Variants in EPB41L4B observed in about 807,000 individuals in gnomAD.
EPB41L4B encodes erythrocyte membrane protein band 4.1 like 4B.
A neutral mutation model predicts 112.5 loss-of-function variants in EPB41L4B; 30 were observed. The ratio of observed to expected loss-of-function variants is 0.27; its 90% CI spans 0.20 to 0.36. The LOEUF (loss-of-function observed/expected upper bound fraction) is 0.36. Ranked by LOEUF, EPB41L4B falls within the 10% of genes least tolerant of loss-of-function variation. The pLI is 1.00. For missense variants in EPB41L4B, 1,024 were observed against 1,133.3 expected, an observed-to-expected ratio of 0.90 and a Z score of 1.38; for synonymous variants, 408 against 439.7, an observed-to-expected ratio of 0.93 and a Z score of 0.90.
At chr9:109,199,069 G>A (rs1220976024) in intron 20 of EPB41L4B, among the ~76,000 whole-genome samples, 1 of 151,966 alleles carries the variant, frequency 6.6e-6, no homozygotes, top group Non-Finnish European at 1.5e-5. Flanking sequence ...TAAAGTGTGA[G>A]TCTTTGGATG....
chr9:109,310,186 C>G (rs551883536), intron 1 of EPB41L4B, among the ~76,000 whole-genome samples: 1 of 152,288 alleles, frequency 6.6e-6, no homozygotes, highest in East Asian at 1.9e-4. Flanking sequence ...GAACTCCAGT[C>G]ATCTCACTGA....
Position 109,194,214 on chromosome 9 carries a change from C to T in EPB41L4B, c.2223+6G>A, listed in dbSNP as rs10979741. The T allele has an allele frequency of 0.061, 98,495 of 1,613,348 alleles. 4,723 individuals are homozygous for T. Among genetic ancestry groups the T allele is most frequent in the African/African-American group, 0.24 (18,333 of 74,956 alleles). On this transcript the variant is annotated splice_donor_region_variant and intron_variant, in intron 21 of 25. Transcript: ENST00000374566. ...CTGCTCGCCAGGGCTTTCCACCCCC[C>T]AATACCTTGGCCCCAGGGGACAGCA... is the stretch of plus-strand genomic sequence containing the variant.
chr9:109,317,415 A>C (rs998282678), intron 1 of EPB41L4B, among the ~76,000 whole-genome samples: 1 of 152,178 alleles, frequency 6.6e-6, no homozygotes, highest in Non-Finnish European at 1.5e-5. Flanking sequence ...GCGTTTCCCA[A>C]GAGCCTCCAG....
At position 109,219,106 on chromosome 9, in the gene EPB41L4B, G is replaced by A. The variant is rs532781925; in HGVS notation, c.1410-1961C>T. 2.2e-4 allele frequency among the ~76,000 whole-genome samples: 34 copies of A among 152,292 alleles called. No homozygotes were observed. The South Asian group carries it at 7.1e-3, about 32-fold the overall frequency. On this transcript the variant is annotated intron_variant, in intron 15 of 25. Coordinates refer to ENST00000374566, the MANE Select transcript of EPB41L4B (RefSeq NM_019114.5). ...TTGAAACAGAATCTTCTTTCTTATA[G>A]GAAACCCCATTCCTTGTGTTTGTAT...
intron 1 of EPB41L4B, among the ~76,000 whole-genome samples, chr9:109,296,153 A>G (rs929170546): frequency 6.6e-6 from 1 of 152,242 alleles, no homozygotes; most frequent in Non-Finnish European, 1.5e-5. Flanking sequence ...ACGTGAACAG[A>G]AAGGACTAAC....
intron 1 of EPB41L4B, among the ~76,000 whole-genome samples, chr9:109,293,717 A>AAAAAAAAAAC (rs1564326022): frequency 1.4e-5 from 2 of 143,608 alleles, no homozygotes. Context: ...AAAAAAAAAA[A>AAAAAAAAAAC]AAACATAAAC....
intron 1 of EPB41L4B, among the ~76,000 whole-genome samples, chr9:109,286,023 T>C (rs1836261534): frequency 6.6e-6 from 1 of 152,126 alleles, no homozygotes; most frequent in South Asian, 2.1e-4. Context: ...ACTCCCTCCC[T>C]GAGGACAGGG....
rs567359606 is a variant in EPB41L4B at position 109,197,751 on chromosome 9, C to T, written c.2045+2485G>A. Among the ~76,000 whole-genome samples the T allele has an allele frequency of 8.6e-4, 127 of 147,902 alleles. 6 individuals are homozygous for T. The South Asian group carries it at 0.026, about 30-fold the overall frequency. ...CGGAGAATCGCTTGAACCCAGGAGG[C>T]GAAGGTTGCAGTGAGCCGAGATTGT... On this transcript the variant is annotated intron_variant, in intron 20 of 25. Transcript: ENST00000374566.
At chr9:109,218,117 CTAA>C (rs764238336) in intron 15 of EPB41L4B, among the ~76,000 whole-genome samples, 2 of 134,140 alleles carry the variant, frequency 1.5e-5, no homozygotes, top group Non-Finnish European at 3.1e-5. Context: ...ATCTCTAATA[CTAA>C]TAATTCTTTT....
chr9:109,184,687 C>G (rs986876578), intron 23 of EPB41L4B, among the ~76,000 whole-genome samples: 1 of 152,238 alleles, frequency 6.6e-6, no homozygotes, highest in East Asian at 1.9e-4. Context: ...TATCTGTTAG[C>G]ACAACCACTT....
chr9:109,304,633 T>C (rs1176484828), intron 1 of EPB41L4B, among the ~76,000 whole-genome samples: 2 of 152,196 alleles, frequency 1.3e-5, no homozygotes, highest in East Asian at 3.8e-4. Context: ...GATCTCTGTG[T>C]GCCTCAATCT....
chr9:109,220,755 G>C (rs950648389), intron 15 of EPB41L4B, among the ~76,000 whole-genome samples: 2 of 152,014 alleles, frequency 1.3e-5, no homozygotes, highest in Non-Finnish European at 2.9e-5. Context: ...GTGTGTGCAC[G>C]TGCGTGTGTT....
intron 4 of EPB41L4B, among the ~76,000 whole-genome samples, chr9:109,266,785 C>T (rs1217096826): frequency 6.6e-6 from 1 of 151,888 alleles, no homozygotes; most frequent in South Asian, 2.1e-4. Context: ...CTGGCTAACA[C>T]AGCGAAACCC....
intron 15 of EPB41L4B, among the ~76,000 whole-genome samples, chr9:109,220,735 G>A (rs1833544007): frequency 6.6e-6 from 1 of 152,258 alleles, no homozygotes; most frequent in African/African-American, 2.4e-5. Context: ...GGACGGTTCT[G>A]TGTGTGTGCG....
chr9:109,191,229 C>T (rs1173765402), intron 22 of EPB41L4B, among the ~76,000 whole-genome samples: 1 of 152,162 alleles, frequency 6.6e-6, no homozygotes, highest in Non-Finnish European at 1.5e-5. Context: ...AAGCTCTTGC[C>T]AAAAAGCTAG....
chr9:109,306,567 C>T (rs540710393), intron 1 of EPB41L4B, among the ~76,000 whole-genome samples: 35 of 152,116 alleles, frequency 2.3e-4, no homozygotes, highest in African/African-American at 7.7e-4. Context: ...GAGCCAAGAT[C>T]GTGCCACTGC....
chr9:109,239,914 T>A, intron 15 of EPB41L4B: 1 of 985,482 alleles, frequency 1.0e-6, no homozygotes, highest in Non-Finnish European at 1.2e-6. Context: ...TCAGCACCTG[T>A]GACAGGCAGG....
At chr9:109,266,931 T>G (rs1459397660) in intron 4 of EPB41L4B, among the ~76,000 whole-genome samples, 1 of 126,406 alleles carries the variant, frequency 7.9e-6, no homozygotes, top group Non-Finnish European at 1.6e-5. Context: ...ATCATGCCAC[T>G]GCACTCCAAC....
At chr9:109,272,456 T>C (rs1835660252) in intron 2 of EPB41L4B, among the ~76,000 whole-genome samples, 1 of 151,982 alleles carries the variant, frequency 6.6e-6, no homozygotes. Context: ...TAAGACCCTG[T>C]GTATATTAAA....
Sources: gnomAD v4.1 joint callset for allele counts (sites outside exome capture counted in the v4.1 genomes callset) on GRCh38, gnomAD v4.1.1 for gene constraint, MANE v1.5 for transcripts, NCBI Gene and HGNC (gene_info 2026-07-23, HGNC 2026-07-21) for gene names.